Variants in TOPAZ1 observed in about 807,000 individuals in gnomAD.
TOPAZ1 encodes testis and ovary specific TOPAZ 1.
TOPAZ1 carries 66 observed loss-of-function variants against 172.2 expected under a neutral mutation model. That is an observed-to-expected ratio of 0.38 (90% CI 0.31 to 0.47). The LOEUF (loss-of-function observed/expected upper bound fraction) is 0.47. Among genes scored for constraint, TOPAZ1 ranks in the 20% least tolerant of loss-of-function variants. The pLI, the probability that TOPAZ1 is intolerant of heterozygous loss-of-function variation, is 0.99. For synonymous variants in TOPAZ1, 681 were observed against 683.9 expected (o/e 1.00, Z 0.07); for missense variants, 1,822 against 1,972.4 (o/e 0.92, Z 1.44).
At chr3:44,316,493 C>T (rs1379933760) in intron 16 of TOPAZ1, among the ~76,000 whole-genome samples, 2 of 152,232 alleles carry the variant, frequency 1.3e-5, no homozygotes, top group East Asian at 3.9e-4. Flanking sequence ...AGTAGTTTTA[C>T]ATATTAAAGA....
At chr3:44,317,192 C>T (rs1033781641) in intron 16 of TOPAZ1, among the ~76,000 whole-genome samples, 1 of 152,028 alleles carries the variant, frequency 6.6e-6, no homozygotes, top group East Asian at 1.9e-4. Flanking sequence ...AGGCCGAGGC[C>T]GGTGGATCAC....
At chr3:44,269,956 T>C (rs1699878067) in intron 7 of TOPAZ1, among the ~76,000 whole-genome samples, 1 of 152,106 alleles carries the variant, frequency 6.6e-6, no homozygotes, top group South Asian at 2.1e-4. Flanking sequence ...CCAGATATTA[T>C]ATGGATTTTG....
chr3:44,336,116 G>C (rs1700723043), downstream of TOPAZ1, among the ~76,000 whole-genome samples: 1 of 152,208 alleles, frequency 6.6e-6, no homozygotes, highest in Admixed American at 6.5e-5. Flanking sequence ...GGAACAGCCT[G>C]GTTAGGACTA....
chr3:44,242,800 A>G, intron 1 of TOPAZ1, 53 bp from the exon 2 acceptor site: 1 of 1,344,436 alleles, frequency 7.4e-7, no homozygotes, highest in African/African-American at 1.5e-5. Flanking sequence ...TGATAATTGC[A>G]TTTTCCTCCT....
intron 2 of TOPAZ1, among the ~76,000 whole-genome samples, chr3:44,253,444 A>T (rs925429310): frequency 7.2e-5 from 11 of 152,192 alleles, no homozygotes; most frequent in African/African-American, 2.7e-4. Flanking sequence ...GAGGTTTAAG[A>T]AGTGAATATT....
intron 5 of TOPAZ1, 95 bp from the exon 6 acceptor site, chr3:44,266,902 A>C: frequency 1.0e-6 from 1 of 973,180 alleles, no homozygotes; most frequent in Non-Finnish European, 1.4e-6. Flanking sequence ...AAAATAAAAA[A>C]TTTTTTTAAA....
chr3:44,290,622 C>T (rs1361926028), intron 11 of TOPAZ1, 149 bp from the exon 12 acceptor site: 4 of 566,252 alleles, frequency 7.1e-6, no homozygotes, highest in Non-Finnish European at 1.3e-5. Flanking sequence ...TTTTGTGGTT[C>T]TGTGCCTCAA....
chr3:44,330,216 T>A (rs965806556), intron 19 of TOPAZ1, among the ~76,000 whole-genome samples: 1 of 152,202 alleles, frequency 6.6e-6, no homozygotes, highest in South Asian at 2.1e-4. Flanking sequence ...TATTTACCAC[T>A]GTGCACTATG....
intron 5 of TOPAZ1, among the ~76,000 whole-genome samples, chr3:44,266,385 T>C (rs1375313172): frequency 6.6e-6 from 1 of 152,224 alleles, no homozygotes; most frequent in Admixed American, 6.5e-5. Context: ...GGTTAACTAT[T>C]TGGTACAAGA....
intron 9 of TOPAZ1, among the ~76,000 whole-genome samples, chr3:44,282,621 C>T (rs547741533): frequency 6.6e-6 from 1 of 152,264 alleles, no homozygotes; most frequent in South Asian, 2.1e-4. Flanking sequence ...CCATTCTTTG[C>T]CACCTTCTCC....
intron 19 of TOPAZ1, among the ~76,000 whole-genome samples, chr3:44,329,946 T>C (rs1332784548): frequency 1.3e-5 from 2 of 152,188 alleles, no homozygotes; most frequent in Non-Finnish European, 2.9e-5. Context: ...ATAATCCTTG[T>C]AATTTAGAAC....
At chr3:44,303,991 A>T (rs1222710517) in intron 12 of TOPAZ1, 24 bp from the exon 13 acceptor site, 1 of 1,434,480 alleles carries the variant, frequency 7.0e-7, no homozygotes, top group Non-Finnish European at 9.6e-7. Flanking sequence ...ATATAGTATA[A>T]TTAACTCTTT....
At chr3:44,268,302 A>G (rs1235900063) in intron 6 of TOPAZ1, among the ~76,000 whole-genome samples, 6 of 150,828 alleles carry the variant, frequency 4.0e-5, no homozygotes, top group African/African-American at 1.2e-4. Context: ...CCTTCTTGCT[A>G]AGTCCTCACA....
At chr3:44,305,409 A>G in intron 14 of TOPAZ1, 88 bp downstream of exon 14, 11 of 1,211,732 alleles carry the variant, frequency 9.1e-6, no homozygotes, top group Non-Finnish European at 1.2e-5. Context: ...TTCCTTTGTT[A>G]CCCAGGCTGG....
intron 5 of TOPAZ1, among the ~76,000 whole-genome samples, chr3:44,264,615 G>T (rs1699809371): frequency 6.6e-6 from 1 of 152,188 alleles, no homozygotes; most frequent in Non-Finnish European, 1.5e-5. Flanking sequence ...GAAGTTTGCT[G>T]CATCAGTTGA....
intron 16 of TOPAZ1, 25 bp from the exon 17 acceptor site, chr3:44,321,000 CTA>C: frequency 6.9e-7 from 1 of 1,451,636 alleles, no homozygotes; most frequent in East Asian, 2.5e-5. Context: ...ATGGTATAAA[CTA>C]TTCATATTTT....
In TOPAZ1 at chr3:44,243,614, A is replaced by G; in HGVS notation, c.1108A>G (p.Lys370Glu). Residue 370 changes from lysine (K) to glutamate (E), a missense_variant, in exon 2 of 20, where the codon AAA becomes GAA. Around this residue, in one of 2 missense-constraint regions of TOPAZ1, gnomAD observed 1,489 missense variants for 1,490.8 expected, o/e 1.00. Transcript: ENST00000309765. ...AGAAAATCAAATGATTGCTGATGGTAAAGAAGCAGAGACTAAAAGTCCTTT... is the reference window on the plus strand; with the variant it reads ...AGAAAATCAAATGATTGCTGATGGTGAAGAAGCAGAGACTAAAAGTCCTTT... ...LQENQMIADG[K>E]EAETKSPLNV... 2 of 1,550,464 alleles carry G rather than the reference A, an allele frequency of 1.3e-6. No individual in the cohort carries two copies. Among genetic ancestry groups the G allele is most frequent in the Non-Finnish European group, 1.7e-6 (2 of 1,146,960 alleles).
At chr3:44,274,906 G>GT (rs958507479) in intron 8 of TOPAZ1, among the ~76,000 whole-genome samples, 13 of 150,152 alleles carry the variant, frequency 8.7e-5, no homozygotes, top group African/African-American at 1.7e-4. Context: ...CCACTGGTAG[G>GT]TTTTTTTTTA....
chr3:44,321,219 T>C, intron 17 of TOPAZ1, 28 bp downstream of exon 17: 2 of 1,499,658 alleles, frequency 1.3e-6, no homozygotes, highest in Non-Finnish European at 1.8e-6. Context: ...CTATCTTAAT[T>C]ATCTCTTGCC....
Sources: gnomAD v4.1 joint callset for allele counts (sites outside exome capture counted in the v4.1 genomes callset) on GRCh38, gnomAD v4.1.1 for gene constraint, gnomAD v4.1.1 regional missense constraint, MANE v1.5 for transcripts, NCBI Gene and HGNC (gene_info 2026-07-23, HGNC 2026-07-21) for gene names.